Variants in CACNG8 observed in about 807,000 individuals in gnomAD.
CACNG8 encodes the protein voltage-dependent calcium channel gamma-8 subunit.
A neutral mutation model predicts 26.9 loss-of-function variants in CACNG8; 5 were observed. The observed-to-expected ratio is 0.19, with a 90% CI of 0.10 to 0.39. The LOEUF (loss-of-function observed/expected upper bound fraction) is 0.39, where lower values mean the gene tolerates loss of function less well. Among genes scored for constraint, CACNG8 ranks in the 10% least tolerant of loss-of-function variants. CACNG8 has a pLI of 1.00. For missense variants in CACNG8, 473 were observed against 609.4 expected (o/e 0.78, Z 2.36); for synonymous variants, 321 against 296.7 (o/e 1.08, Z -0.84).
At chr19:53,971,985 CCTAA>C (rs2069304977) in intron 1 of CACNG8, among the ~76,000 whole-genome samples, 1 of 152,098 alleles carries the variant, frequency 6.6e-6, no homozygotes, top group Non-Finnish European at 1.5e-5. Flanking sequence ...GAATTCTGTG[CCTAA>C]CTTCCTTTTT....
In CACNG8 at chr19:53,982,940, T is replaced by G; in HGVS notation, c.*91T>G. The G allele has an allele frequency of 1.1e-6, 1 of 877,520 alleles. No individual in the cohort carries two copies. Among genetic ancestry groups the G allele is most frequent in the South Asian group, 4.9e-5 (1 of 20,322 alleles). The allele number at this position is 877,520 out of a possible 1,614,324, so 54.4% of individuals were successfully genotyped here. On this transcript the variant is annotated 3_prime_UTR_variant, in exon 4 of 4. Coordinates refer to ENST00000270458, the MANE Select transcript of CACNG8 (RefSeq NM_031895.6). The surrounding 1 kb of genome is among the most constrained non-coding windows in gnomAD (Gnocchi z 8.4). ...GCCGGGGTCGGGGGCGCCCCCGCTT[T>G]CCCCCGTGAGCGCGCTGGAGACTGC...
chr19:53,971,720 G>T lies in CACNG8; in HGVS notation c.284-6426G>T, dbSNP rs542316784. Among the ~76,000 whole-genome samples, 198 of 152,304 alleles carry T rather than the reference G, an allele frequency of 1.3e-3. 4 individuals carry two copies. The highest frequency in any genetic ancestry group is 0.013 in the Admixed American group (196 of 15,286). Reference sequence around the variant, plus strand: ...ATTAAGCCCTCGCCACTTTGCCAGGGGAATGTATTATTAGCAGGAATCTGA... The same window carrying T: ...ATTAAGCCCTCGCCACTTTGCCAGGTGAATGTATTATTAGCAGGAATCTGA... On this transcript the variant is annotated intron_variant, in intron 1 of 3. Transcript: ENST00000270458.
At chr19:53,966,785 T>C (rs1312229771) in intron 1 of CACNG8, among the ~76,000 whole-genome samples, 1 of 152,230 alleles carries the variant, frequency 6.6e-6, no homozygotes, top group Non-Finnish European at 1.5e-5. Flanking sequence ...TCACACGAGC[T>C]GACTTACATT....
chr19:53,972,486 C>T (rs1192380823), intron 1 of CACNG8, among the ~76,000 whole-genome samples: 3 of 151,358 alleles, frequency 2.0e-5, no homozygotes, highest in Admixed American at 6.6e-5. Flanking sequence ...CTCAGCCTCC[C>T]GAGTAGTTGG....
rs1437364238 is a variant in CACNG8, at chr19:53,987,457, G to GT, written c.*4609dup. On this transcript the variant is annotated 3_prime_UTR_variant, in exon 4 of 4. Coordinates refer to ENST00000270458, the MANE Select transcript of CACNG8 (RefSeq NM_031895.6). ...CAGGAGTCAAAGGGGAAGGAAGGAG[G>GT]TAGCGGGCTGTTGCCTTCCTCTGGT... is the stretch of plus-strand genomic sequence containing the variant. 3 of 152,696 alleles carry GT rather than the reference G, an allele frequency of 2.0e-5. No individual in the cohort carries two copies. The highest frequency in any genetic ancestry group is 6.5e-5 in the Admixed American group (1 of 15,276). 9.5% of individuals were successfully genotyped at this position (152,696 alleles called of 1,614,324 possible). A position where few individuals can be genotyped will look rare whatever the true frequency, so the allele number is the denominator to read the frequency against.
chr19:53,973,653 C>G (rs2069314906), intron 1 of CACNG8, among the ~76,000 whole-genome samples: 1 of 152,084 alleles, frequency 6.6e-6, no homozygotes, highest in Admixed American at 6.6e-5. Flanking sequence ...ACAGTGAAAC[C>G]CCGTCTCTAC....
At chr19:53,980,845 G>C (rs2145941356) in intron 3 of CACNG8, among the ~76,000 whole-genome samples, 1 of 152,292 alleles carries the variant, frequency 6.6e-6, no homozygotes, top group East Asian at 1.9e-4. Context: ...GAAATTCCAG[G>C]GGCAGAGCTT....
chr19:53,979,429 G>A (rs947278510), intron 2 of CACNG8, among the ~76,000 whole-genome samples: 8 of 151,988 alleles, frequency 5.3e-5, no homozygotes, highest in Non-Finnish European at 1.0e-4. Context: ...GATGAAGCGA[G>A]GCAGAAAATG....
intron 2 of CACNG8, among the ~76,000 whole-genome samples, chr19:53,978,677 C>A (rs1318580236): frequency 7.0e-6 from 1 of 142,714 alleles, no homozygotes; most frequent in Non-Finnish European, 1.5e-5. Flanking sequence ...TGATTGGCTG[C>A]GGCCTCAGCC....
Position 53,985,937 on chromosome 19 carries a change from C to CGAGAGAGAGAGAGA in CACNG8, c.*3099_*3112dup, listed in dbSNP as rs35381014. ...TCTAGAGTCTGAAGGCCAAACAGAA[C>CGAGAGAGAGAGAGA]GAGAGAGAGAGAGAGAGAGAGAGAA... On this transcript the variant is annotated 3_prime_UTR_variant, in exon 4 of 4. Coordinates refer to ENST00000270458, the MANE Select transcript of CACNG8 (RefSeq NM_031895.6). 52 of 146,656 alleles carry CGAGAGAGAGAGAGA rather than the reference C, an allele frequency of 3.5e-4. No homozygotes were observed. The highest frequency in any genetic ancestry group is 1.2e-3 in the Admixed American group (18 of 14,718). 9.1% of individuals were successfully genotyped at this position (146,656 alleles called of 1,614,324 possible).
In CACNG8 at chr19:53,987,588, G is replaced by C. The variant is rs1363533677; in HGVS notation, c.*4739G>C. The C allele has an allele frequency of 6.6e-6, 1 of 151,290 alleles. No homozygotes were observed. The highest frequency in any genetic ancestry group is 2.4e-5 in the African/African-American group (1 of 41,280). 9.4% of individuals were successfully genotyped at this position (151,290 alleles called of 1,614,324 possible). ...CATTGGTGGTGAACTGGATGTCATA[G>C]AGGAGGGAAGGAAAAGGAACCAGGA... On this transcript the variant is annotated 3_prime_UTR_variant, in exon 4 of 4. Coordinates refer to ENST00000270458, the MANE Select transcript of CACNG8 (RefSeq NM_031895.6).
chr19:53,972,145 T>A (rs1458378528), intron 1 of CACNG8, among the ~76,000 whole-genome samples: 2 of 151,474 alleles, frequency 1.3e-5, no homozygotes, highest in Non-Finnish European at 2.9e-5. Flanking sequence ...CAGGCACCCA[T>A]CACCACGCTG....
intron 1 of CACNG8, among the ~76,000 whole-genome samples, chr19:53,966,047 G>A (rs539172295): frequency 6.6e-6 from 1 of 152,050 alleles, no homozygotes; most frequent in Admixed American, 6.6e-5. Context: ...AGGGGTATCA[G>A]GGTCCCCATC....
intron 1 of CACNG8, among the ~76,000 whole-genome samples, chr19:53,968,959 A>G (rs442482): frequency 0.98 from 149,135 of 152,092 alleles, 73,131 homozygotes; most frequent in East Asian, 1. Flanking sequence ...TTTGTCACTG[A>G]ATGCGCACAA....
rs2069261706 is a variant in CACNG8, at chr19:53,964,547, C to T, written c.283+1122C>T. Among the ~76,000 whole-genome samples the T allele has an allele frequency of 2.0e-5, 3 of 152,062 alleles. No individual in the cohort carries two copies. The South Asian group carries it at 6.2e-4, about 32-fold the overall frequency. ...CCTGACTCGATGCCTCAGGCCTTCA[C>T]GTTAAGGCTTCTCGCTCCTGCCCCT... On this transcript the variant is annotated intron_variant, in intron 1 of 3. Transcript: ENST00000270458.
At position 53,987,009 on chromosome 19, in the gene CACNG8, C is replaced by G. The variant is rs1465994264; in HGVS notation, c.*4160C>G. On this transcript the variant is annotated 3_prime_UTR_variant, in exon 4 of 4. Coordinates refer to ENST00000270458, the MANE Select transcript of CACNG8 (RefSeq NM_031895.6). Reference sequence around the variant, plus strand: ...AAGAAATCTGAATTTTATTCTAGATCTGATGGGAAGTGCTTGGAGGGTTTT... The same window carrying G: ...AAGAAATCTGAATTTTATTCTAGATGTGATGGGAAGTGCTTGGAGGGTTTT... The G allele has an allele frequency of 1.3e-5, 2 of 152,240 alleles. No individual in the cohort carries two copies. Among genetic ancestry groups the G allele is most frequent in the Non-Finnish European group, 2.9e-5 (2 of 68,090 alleles). 9.4% of individuals were successfully genotyped at this position (152,240 alleles called of 1,614,324 possible). A position where few individuals can be genotyped will look rare whatever the true frequency, so the allele number is the denominator to read the frequency against.
chr19:53,980,052 G>A (rs11880008), intron 3 of CACNG8, 45 bp downstream of exon 3: 77,976 of 1,551,380 alleles, frequency 0.05, 2,535 homozygotes, highest in African/African-American at 0.14. Context: ...CCACCTGGGC[G>A]CGCACGTGTG....
chr19:53,975,525 G>A (rs929715396), intron 1 of CACNG8, among the ~76,000 whole-genome samples: 3 of 152,038 alleles, frequency 2.0e-5, no homozygotes, highest in Admixed American at 6.6e-5. Flanking sequence ...GACTACAAGC[G>A]TATGCCCCCA....
chr19:53,979,075 A>G (rs1292027169), intron 2 of CACNG8, among the ~76,000 whole-genome samples: 1 of 145,806 alleles, frequency 6.9e-6, no homozygotes, highest in Non-Finnish European at 1.5e-5. Flanking sequence ...GGGGGGAGAG[A>G]CCTAGGAAGA....
Sources: gnomAD v4.1 joint callset for allele counts (sites outside exome capture counted in the v4.1 genomes callset) on GRCh38, gnomAD v4.1.1 for gene constraint, Gnocchi (gnomAD v3.1) non-coding constraint, MANE v1.5 for transcripts, NCBI Gene and HGNC (gene_info 2026-07-23, HGNC 2026-07-21) for gene names.